The following SAE1 variants were observed in gnomAD, a reference collection of about 807,000 sequenced individuals.
The protein encoded by SAE1 is SUMO1 activating enzyme subunit 1.
A neutral mutation model predicts 40.6 loss-of-function variants in SAE1; 11 were observed. That is an observed-to-expected ratio of 0.27 (90% CI 0.17 to 0.45). The LOEUF (loss-of-function observed/expected upper bound fraction) is 0.45, where lower values mean the gene tolerates loss of function less well. Ranked by LOEUF, SAE1 falls within the 20% of genes least tolerant of loss-of-function variation. SAE1 has a pLI of 1.00. For missense variants in SAE1, 373 were observed against 427.3 expected (o/e 0.87, Z 1.12); for synonymous variants, 155 against 154.3 (o/e 1.00, Z -0.03).
chr19:47,172,983 C>T (rs2058444452), intron 6 of SAE1, among the ~76,000 whole-genome samples: 1 of 152,066 alleles, frequency 6.6e-6, no homozygotes, highest in Non-Finnish European at 1.5e-5. Context: ...AACAAAATGG[C>T]AGTGCCCACT....
chr19:47,166,520 C>A (rs1047067317), intron 5 of SAE1, among the ~76,000 whole-genome samples: 1 of 152,180 alleles, frequency 6.6e-6, no homozygotes, highest in Non-Finnish European at 1.5e-5. Flanking sequence ...AGCTAACAGG[C>A]AAGACCTGCC....
Position 47,185,285 on chromosome 19 carries a change from A to AT in SAE1, c.734-11939dup, listed in dbSNP as rs996848960. Reference sequence around the variant, plus strand: ...CTAAATCCAAGAACCCAAAATCTGAATTTTTTTTTATTTTTCATTTTTATT... The same window carrying AT: ...CTAAATCCAAGAACCCAAAATCTGAATTTTTTTTTTATTTTTCATTTTTATT... On this transcript the variant is annotated intron_variant, in intron 6 of 8. Transcript: ENST00000270225. 2.4e-4 allele frequency among the ~76,000 whole-genome samples: 37 copies of AT among 151,288 alleles called. No individual in the cohort carries two copies. The East Asian group carries it at 2.7e-3, about 11-fold the overall frequency.
At chr19:47,132,076 C>T (rs749978793) in intron 1 of SAE1, among the ~76,000 whole-genome samples, 4 of 152,008 alleles carry the variant, frequency 2.6e-5, no homozygotes, top group Non-Finnish European at 5.9e-5. Flanking sequence ...CTTCCTCTCA[C>T]CTCAGTCTTC....
chr19:47,183,223 G>A (rs1045242046), intron 6 of SAE1, among the ~76,000 whole-genome samples: 38 of 151,920 alleles, frequency 2.5e-4, no homozygotes, highest in African/African-American at 8.2e-4. Context: ...ACCGGTTCAC[G>A]TACTTTACAT....
chr19:47,169,146 T>C (rs1246197347), intron 5 of SAE1, among the ~76,000 whole-genome samples: 3 of 152,234 alleles, frequency 2.0e-5, no homozygotes, highest in African/African-American at 7.2e-5. Context: ...TGTTTTTGTT[T>C]ACTATTACAA....
At chr19:47,132,260 G>C (rs377558723) in intron 1 of SAE1, among the ~76,000 whole-genome samples, 4 of 151,110 alleles carry the variant, frequency 2.6e-5, no homozygotes, top group African/African-American at 9.7e-5. Context: ...ACTGTGCCCA[G>C]CTTGTTTTTT....
intron 7 of SAE1, among the ~76,000 whole-genome samples, chr19:47,201,558 G>C (rs191549387): frequency 3.3e-5 from 5 of 151,614 alleles, no homozygotes; most frequent in African/African-American, 1.2e-4. Context: ...TTTTAGTAGA[G>C]ACGGGGTTTC....
intron 5 of SAE1, among the ~76,000 whole-genome samples, chr19:47,167,563 A>G (rs1021369532): frequency 3.0e-4 from 46 of 152,260 alleles, no homozygotes; most frequent in African/African-American, 1.1e-3. Context: ...TTTATCTGTC[A>G]AATCTATATG....
At chr19:47,175,669 C>A (rs1172373115) in intron 6 of SAE1, among the ~76,000 whole-genome samples, 1 of 152,132 alleles carries the variant, frequency 6.6e-6, no homozygotes, top group South Asian at 2.1e-4. Context: ...ACCTAGGAGG[C>A]AAGGTTGCAG....
chr19:47,177,087 A>G (rs76673606), intron 6 of SAE1, among the ~76,000 whole-genome samples: 187 of 152,344 alleles, frequency 1.2e-3, no homozygotes, highest in African/African-American at 4.2e-3. Context: ...AATTCTTGGC[A>G]ATCTTAACTT....
Position 47,209,151 on chromosome 19 carries a change from C to T in SAE1, c.949-8C>T. ...TGAGCTAAACCCTCTTTTCATTTTT[C>T]TCCCCAGGCCCTGTCTCAGCGGGAC... On this transcript the variant is annotated splice_polypyrimidine_tract_variant and splice_region_variant and intron_variant, in intron 8 of 8. Transcript: ENST00000270225. 3.1e-6 allele frequency: 5 copies of T among 1,608,478 alleles called. No homozygotes were observed. The highest frequency in any genetic ancestry group is 1.1e-5 in the South Asian group (1 of 90,310).
intron 6 of SAE1, among the ~76,000 whole-genome samples, chr19:47,192,788 CCTT>C (rs1007296346): frequency 2.6e-5 from 4 of 152,000 alleles, no homozygotes; most frequent in Non-Finnish European, 4.4e-5. Flanking sequence ...GATCTGCCCA[CCTT>C]AGCCTCCCAA....
chr19:47,197,926 G>C (rs940685891), intron 7 of SAE1, among the ~76,000 whole-genome samples: 2 of 152,194 alleles, frequency 1.3e-5, no homozygotes, highest in Non-Finnish European at 2.9e-5. Flanking sequence ...GGTCAGCATT[G>C]CCACCTTGCC....
At chr19:47,176,039 A>G (rs572618820) in intron 6 of SAE1, among the ~76,000 whole-genome samples, 1 of 152,282 alleles carries the variant, frequency 6.6e-6, no homozygotes, top group East Asian at 1.9e-4. Context: ...TTTCTAGGAG[A>G]ACTACTGTTA....
At chr19:47,203,171 G>T (rs1339997187) in intron 7 of SAE1, among the ~76,000 whole-genome samples, 1 of 152,108 alleles carries the variant, frequency 6.6e-6, no homozygotes, top group Non-Finnish European at 1.5e-5. Context: ...GGCCCAGAAG[G>T]GCTGGTTTCT....
rs760127440 is a variant in SAE1 at position 47,152,921 on chromosome 19, G to T, written c.408G>T (p.Arg136Ser). The change falls in exon 4 of 9, where the codon AGG becomes AGT. Residue 136 changes from arginine to serine, a missense_variant. Transcript: ENST00000270225. ...FDAVCLTCCS[R>S]DVIVKVDQIC... ...AGGTGTGTCTGACTTGCTGCTCCAGGGATGTCATAGTTAAAGTTGACCAGA... is the reference window on the plus strand; with the variant it reads ...AGGTGTGTCTGACTTGCTGCTCCAGTGATGTCATAGTTAAAGTTGACCAGA... 6.2e-7 allele frequency: 1 copy of T among 1,611,792 alleles called. No individual in the cohort carries two copies. The highest frequency in any genetic ancestry group is 8.5e-7 in the Non-Finnish European group (1 of 1,179,842).
At position 47,197,215 on chromosome 19, in the gene SAE1, T is replaced by C. The variant is rs978243878; in HGVS notation, c.734-18T>C. The stretch of plus-strand genomic sequence containing the variant: ...AAAAAAGTGGCTTTATAACCTGCCT[T>C]CTTTTTCTTATTCCCAGTGCTCTTA... On this transcript the variant is annotated intron_variant, in intron 6 of 8. Coordinates refer to ENST00000270225, the MANE Select transcript of SAE1 (RefSeq NM_005500.3). 1.9e-6 allele frequency: 3 copies of C among 1,583,932 alleles called. No individual in the cohort carries two copies. Among genetic ancestry groups the C allele is most frequent in the Non-Finnish European group, 2.6e-6 (3 of 1,170,574 alleles).
chr19:47,180,881 G>A (rs2058501595), intron 6 of SAE1, among the ~76,000 whole-genome samples: 1 of 152,162 alleles, frequency 6.6e-6, no homozygotes, highest in African/African-American at 2.4e-5. Context: ...CTGGCAGGTT[G>A]TACCTCAGCT....
In SAE1 at chr19:47,130,869, C is replaced by G. The variant is rs550510017; in HGVS notation, c.-62C>G. ...GTGCTGCCGGCGGCGGTAGGTGGCGCGCGGGTCCGGCGGGCGGTTGGCTTG... is the reference window on the plus strand; with the variant it reads ...GTGCTGCCGGCGGCGGTAGGTGGCGGGCGGGTCCGGCGGGCGGTTGGCTTG... On this transcript the variant is annotated 5_prime_UTR_variant, in exon 1 of 9. Coordinates refer to ENST00000270225, the MANE Select transcript of SAE1 (RefSeq NM_005500.3). 2.2e-5 allele frequency: 34 copies of G among 1,544,086 alleles called. No homozygotes were observed. The African/African-American group carries it at 3.7e-4, about 17-fold the overall frequency.
Sources: gnomAD v4.1 joint callset for allele counts (sites outside exome capture counted in the v4.1 genomes callset) on GRCh38, gnomAD v4.1.1 for gene constraint, MANE v1.5 for transcripts, NCBI Gene and HGNC (gene_info 2026-07-23, HGNC 2026-07-21) for gene names.